The following PRUNE2 variants were observed in gnomAD, a reference collection of about 807,000 sequenced individuals.
PRUNE2 encodes prune homolog 2 with BCH domain, also known as protein prune homolog 2.
In PRUNE2, 164 loss-of-function variants were observed where a neutral mutation model predicts 252.0. The observed-to-expected ratio is 0.65, with a 90% confidence interval of 0.57 to 0.74. PRUNE2 has a LOEUF of 0.74. Among genes scored for constraint, PRUNE2 ranks in the 30% least tolerant of loss-of-function variants. The pLI is 0.00. For synonymous variants in PRUNE2, 1,292 were observed against 1,350.2 expected, an observed-to-expected ratio of 0.96 and a Z score of 0.94; for missense variants, 3,495 against 3,711.0, an observed-to-expected ratio of 0.94 and a Z score of 1.51.
chr9:76,876,099 T>C (rs2061462498), intron 1 of PRUNE2, among the ~76,000 whole-genome samples: 1 of 152,158 alleles, frequency 6.6e-6, no homozygotes, highest in Non-Finnish European at 1.5e-5. Flanking sequence ...GAAAATCATC[T>C]CTACAAATCT....
intron 1 of PRUNE2, among the ~76,000 whole-genome samples, chr9:76,893,419 C>T (rs60124515): frequency 0.11 from 16,860 of 152,222 alleles, 1,131 homozygotes; most frequent in East Asian, 0.21. Flanking sequence ...ACCCTGATGG[C>T]TGTTTTCCAC....
intron 12 of PRUNE2, among the ~76,000 whole-genome samples, chr9:76,639,848 G>A (rs1360887010): frequency 2.6e-5 from 4 of 152,200 alleles, no homozygotes; most frequent in Admixed American, 1.3e-4. Context: ...CAAGGAACAT[G>A]TAGATACATC....
chr9:76,707,672 A>ATC lies in PRUNE2; in HGVS notation c.4600_4601dup (p.Asp1534GlufsTer18). On this transcript the variant is annotated frameshift_variant, in exon 8 of 19. Transcript: ENST00000376718. LOFTEE classifies it high-confidence loss of function. Reference sequence around the variant, plus strand: ...AATGAGTATACTCACTAGAAATAGTATCTCTGTCAAAATTTCCAGACGAAC... The same window carrying ATC: ...AATGAGTATACTCACTAGAAATAGTATCTCTCTGTCAAAATTTCCAGACGAAC... 2.5e-6 allele frequency: 4 copies of ATC among 1,613,952 alleles called. No individual in the cohort carries two copies. Among genetic ancestry groups the ATC allele is most frequent in the Non-Finnish European group, 3.4e-6 (4 of 1,179,858 alleles).
intron 9 of PRUNE2, among the ~76,000 whole-genome samples, chr9:76,670,411 A>G (rs1488555335): frequency 3.3e-5 from 5 of 151,976 alleles, no homozygotes; most frequent in Non-Finnish European, 7.4e-5. Context: ...ACACCCACGG[A>G]GTCTCGCTGA....
intron 1 of PRUNE2, among the ~76,000 whole-genome samples, chr9:76,899,854 A>T (rs941110441): frequency 6.6e-6 from 1 of 152,224 alleles, no homozygotes; most frequent in Non-Finnish European, 1.5e-5. Flanking sequence ...GAATTATTTA[A>T]GCCAAGGAGA....
intron 9 of PRUNE2, among the ~76,000 whole-genome samples, chr9:76,702,387 G>GA (rs2045954105): frequency 6.6e-6 from 1 of 152,094 alleles, no homozygotes; most frequent in African/African-American, 2.4e-5. Flanking sequence ...ATTTTAAGGA[G>GA]AAAACATGAC....
intron 1 of PRUNE2, among the ~76,000 whole-genome samples, chr9:76,878,475 G>A (rs2061585672): frequency 6.6e-6 from 1 of 152,190 alleles, no homozygotes; most frequent in Admixed American, 6.5e-5. Flanking sequence ...TGTCCAGAGA[G>A]CTCTTGAATC....
intron 1 of PRUNE2, among the ~76,000 whole-genome samples, chr9:76,895,961 G>A (rs563028225): frequency 2.0e-5 from 3 of 152,216 alleles, no homozygotes; most frequent in South Asian, 2.1e-4. Context: ...ATTTTTAGTA[G>A]AGATGGGGTT....
intron 6 of PRUNE2, among the ~76,000 whole-genome samples, chr9:76,715,442 C>G (rs1485685164): frequency 1.3e-5 from 2 of 152,196 alleles, no homozygotes; most frequent in African/African-American, 4.8e-5. Flanking sequence ...GGCAGCCACT[C>G]TCATCTGGCA....
At chr9:76,835,976 T>C (rs2058938971) in intron 4 of PRUNE2, among the ~76,000 whole-genome samples, 1 of 152,208 alleles carries the variant, frequency 6.6e-6, no homozygotes, top group Non-Finnish European at 1.5e-5. Flanking sequence ...TCTCTCTTTG[T>C]CTTGTGGCTC....
At chr9:76,892,012 C>A (rs73653249) in intron 1 of PRUNE2, among the ~76,000 whole-genome samples, 2,554 of 152,024 alleles carry the variant, frequency 0.017, 69 homozygotes, top group African/African-American at 0.059. Context: ...CCATAAGGCT[C>A]AATCTTTTTG....
At chr9:76,762,775 C>T (rs958376281) in intron 6 of PRUNE2, among the ~76,000 whole-genome samples, 1 of 152,128 alleles carries the variant, frequency 6.6e-6, no homozygotes, top group Non-Finnish European at 1.5e-5. Context: ...GCTGTGGACA[C>T]GTAAGGAGCC....
intron 1 of PRUNE2, chr9:76,862,404 C>T (rs1220656076): frequency 6.6e-6 from 1 of 152,224 alleles, no homozygotes; most frequent in African/African-American, 2.4e-5. Context: ...CTCCTATGAA[C>T]ATATGTCTAG....
intron 16 of PRUNE2, chr9:76,624,955 C>T: frequency 1.9e-6 from 2 of 1,036,552 alleles, no homozygotes; most frequent in Non-Finnish European, 2.7e-6. Context: ...TTGTTGAGGT[C>T]ACCCACAAGT....
chr9:76,758,552 T>C (rs1221653788), intron 6 of PRUNE2: 1 of 149,566 alleles, frequency 6.7e-6, no homozygotes, highest in Non-Finnish European at 1.5e-5. Context: ...TAGGATGGAG[T>C]GCAGCACCGT....
At chr9:76,782,451 T>C (rs913352896) in intron 6 of PRUNE2, among the ~76,000 whole-genome samples, 1 of 152,182 alleles carries the variant, frequency 6.6e-6, no homozygotes, top group Admixed American at 6.5e-5. Flanking sequence ...GGGAAAGTTA[T>C]TCTCTCTGTG....
intron 6 of PRUNE2, among the ~76,000 whole-genome samples, chr9:76,797,798 C>T (rs2056232411): frequency 6.6e-6 from 1 of 151,668 alleles, no homozygotes; most frequent in Non-Finnish European, 1.5e-5. Context: ...GTTGATGTAT[C>T]CATCCGGTGT....
At chr9:76,713,449 A>C (rs1370631160) in intron 7 of PRUNE2, 114 bp downstream of exon 7, 1 of 729,690 alleles carries the variant, frequency 1.4e-6, no homozygotes, top group African/African-American at 1.8e-5. Context: ...CTAGGACTCT[A>C]CCTCTTGGGC....
intron 1 of PRUNE2, among the ~76,000 whole-genome samples, chr9:76,892,063 G>GC (rs10664396): frequency 0.047 from 7,180 of 151,768 alleles, 612 homozygotes; most frequent in African/African-American, 0.16. Context: ...AGAGAAAGTA[G>GC]CCCCCCCAGC....
Sources: gnomAD v4.1 joint callset for allele counts (sites outside exome capture counted in the v4.1 genomes callset) on GRCh38, gnomAD v4.1.1 for gene constraint, MANE v1.5 for transcripts, NCBI Gene and HGNC (gene_info 2026-07-23, HGNC 2026-07-21) for gene names.